NHEJ1: variants seen among roughly 807,000 people sequenced by gnomAD.
NHEJ1 encodes non-homologous end-joining factor 1.
NHEJ1 carries 22 observed loss-of-function variants against 39.4 expected under a neutral mutation model. The ratio of observed to expected loss-of-function variants is 0.56; its 90% CI spans 0.40 to 0.80. NHEJ1 has a LOEUF of 0.80. NHEJ1 is among the 30% of genes least tolerant of loss of function. NHEJ1 has a pLI of 0.00. For synonymous variants in NHEJ1, 154 were observed against 135.6 expected, an observed-to-expected ratio of 1.14 and a Z score of -0.94; for missense variants, 329 against 357.1, an observed-to-expected ratio of 0.92 and a Z score of 0.63.
chr2:219,139,958 C>T (rs1949674851), intron 5 of NHEJ1, among the ~76,000 whole-genome samples: 1 of 152,222 alleles, frequency 6.6e-6, no homozygotes. Context: ...CGATTACAGG[C>T]GTAAGCCACC....
intron 5 of NHEJ1, among the ~76,000 whole-genome samples, chr2:219,085,502 T>C (rs899669164): frequency 1.3e-5 from 2 of 152,184 alleles, no homozygotes; most frequent in Non-Finnish European, 2.9e-5. Flanking sequence ...TGCCCTGTGT[T>C]TGGTCTGATT....
intron 5 of NHEJ1, among the ~76,000 whole-genome samples, chr2:219,127,253 C>CT (rs1949534131): frequency 6.6e-6 from 1 of 152,136 alleles, no homozygotes; most frequent in Non-Finnish European, 1.5e-5. Flanking sequence ...ACGTGGCCTA[C>CT]TTCTTTTCTT....
intron 1 of NHEJ1, 182 bp downstream of exon 1, chr2:219,160,538 G>A (rs1335564547): frequency 6.6e-6 from 1 of 152,138 alleles, no homozygotes; most frequent in Admixed American, 6.5e-5. Context: ...ATCCACGCCG[G>A]GCAGCAGCCA....
At chr2:219,141,334 T>C (rs6747414) in intron 5 of NHEJ1, among the ~76,000 whole-genome samples, 3,075 of 149,164 alleles carry the variant, frequency 0.021, 108 homozygotes, top group African/African-American at 0.073. Context: ...GAGCCGAGAT[T>C]GTGCCACTGC....
chr2:219,085,262 C>T (rs73991021), intron 5 of NHEJ1, among the ~76,000 whole-genome samples: 5,376 of 152,228 alleles, frequency 0.035, 333 homozygotes, highest in African/African-American at 0.12. Context: ...TTTCATTCTC[C>T]TTTCTCCTCA....
chr2:219,135,686 G>A (rs1447840452), intron 5 of NHEJ1, among the ~76,000 whole-genome samples: 1 of 150,716 alleles, frequency 6.6e-6, no homozygotes, highest in Non-Finnish European at 1.5e-5. Flanking sequence ...TCTTAGACTG[G>A]AGATTTAAAG....
chr2:219,085,707 A>G (rs1320316204), intron 5 of NHEJ1, among the ~76,000 whole-genome samples: 3 of 152,154 alleles, frequency 2.0e-5, no homozygotes, highest in Non-Finnish European at 4.4e-5. Flanking sequence ...ATTAAATCAT[A>G]GTCAACTCAC....
intron 5 of NHEJ1, among the ~76,000 whole-genome samples, chr2:219,137,679 T>C (rs1202234663): frequency 3.2e-4 from 49 of 150,864 alleles, no homozygotes; most frequent in Admixed American, 3.0e-3. Flanking sequence ...CTCAAGTTAT[T>C]ATCTTGCTAA....
chr2:219,124,879 C>T (rs1559196757), intron 5 of NHEJ1: 1 of 152,126 alleles, frequency 6.6e-6, no homozygotes, highest in Admixed American at 6.5e-5. Context: ...AGGGCCACTC[C>T]CCAGAGCTCT....
At chr2:219,104,682 C>T (rs1451376126) in intron 5 of NHEJ1, among the ~76,000 whole-genome samples, 2 of 151,812 alleles carry the variant, frequency 1.3e-5, no homozygotes, top group Non-Finnish European at 2.9e-5. Context: ...GGAAACTTCG[C>T]AGTAATCTTC....
chr2:219,130,044 C>CT (rs11337813), intron 5 of NHEJ1, among the ~76,000 whole-genome samples: 131 of 134,806 alleles, frequency 9.7e-4, no homozygotes, highest in East Asian at 2.7e-3. Flanking sequence ...TATGTCCCTT[C>CT]TTTTTTTTTT....
At chr2:219,135,109 C>G (rs367655961) in intron 5 of NHEJ1, among the ~76,000 whole-genome samples, 1 of 148,404 alleles carries the variant, frequency 6.7e-6, no homozygotes, top group Non-Finnish European at 1.5e-5. Flanking sequence ...TAAATTAACT[C>G]TAATTATAAA....
intron 5 of NHEJ1, among the ~76,000 whole-genome samples, chr2:219,139,773 A>G (rs1461924687): frequency 6.6e-6 from 1 of 152,020 alleles, no homozygotes; most frequent in Non-Finnish European, 1.5e-5. Flanking sequence ...GAGACCTCCC[A>G]GGTTCACGCC....
At chr2:219,102,322 T>C (rs1176113367) in intron 5 of NHEJ1, 4 of 152,230 alleles carry the variant, frequency 2.6e-5, no homozygotes, top group Non-Finnish European at 4.4e-5. Context: ...ATCTTCATTT[T>C]TGCCAACTAA....
rs1480908487 is a variant in NHEJ1 at position 219,074,121 on chromosome 2, C to A, written c.*2260G>T. ...TCTCTAACAACGTATTTAAGCAATA[C>A]CCCAATGGAGACAGCAACCTTTGGG... is the stretch of plus-strand genomic sequence containing the variant. On this transcript the variant is annotated 3_prime_UTR_variant, in exon 8 of 8. Coordinates refer to ENST00000356853, the MANE Select transcript of NHEJ1 (RefSeq NM_024782.3). Among the ~76,000 whole-genome samples the A allele has an allele frequency of 6.6e-6, 1 of 152,220 alleles. No homozygotes were observed. Among genetic ancestry groups the A allele is most frequent in the Non-Finnish European group, 1.5e-5 (1 of 68,024 alleles).
At chr2:219,086,295 G>GGGGTT (rs1455842001) in intron 5 of NHEJ1, among the ~76,000 whole-genome samples, 2 of 152,102 alleles carry the variant, frequency 1.3e-5, no homozygotes, top group African/African-American at 4.8e-5. Flanking sequence ...TAAGTAACTT[G>GGGGTT]ACTAAGGTCA....
rs886037607 is a variant in NHEJ1 at position 219,158,351 on chromosome 2, C to CA, written c.11dup (p.Glu5GlyfsTer43). The CA allele has an allele frequency of 1.2e-6, 2 of 1,614,130 alleles. No homozygotes were observed. Among genetic ancestry groups the CA allele is most frequent in the Non-Finnish European group, 1.7e-6 (2 of 1,180,038 alleles). ...ATGGCTGCATCAACAGGCCTTGCTC[C>CA]AGTTCTTCCATCTGCAAAAAAGTCC... On this transcript the variant is annotated frameshift_variant, in exon 2 of 8. Transcript: ENST00000356853. LOFTEE classifies it high-confidence loss of function.
intron 5 of NHEJ1, among the ~76,000 whole-genome samples, chr2:219,146,261 C>T (rs1281462028): frequency 6.6e-6 from 1 of 152,108 alleles, no homozygotes; most frequent in Non-Finnish European, 1.5e-5. Context: ...AATGGTAGCC[C>T]TAAGCTTTTT....
At chr2:219,079,037 T>C (rs1275347116) in intron 5 of NHEJ1, among the ~76,000 whole-genome samples, 1 of 152,244 alleles carries the variant, frequency 6.6e-6, no homozygotes, top group African/African-American at 2.4e-5. Context: ...TATTTATCTG[T>C]TTCCTTCACT....
Sources: allele counts gnomAD v4.1 joint callset (sites outside exome capture counted in the v4.1 genomes callset), GRCh38; gene constraint gnomAD v4.1.1; transcripts MANE v1.5; gene names NCBI Gene and HGNC (gene_info 2026-07-23, HGNC 2026-07-21).